The following SUSD1 variants were observed in gnomAD, a reference collection of about 807,000 sequenced individuals.
SUSD1 encodes sushi domain containing 1, also known as sushi domain-containing protein 1.
Under a neutral mutation model 86.9 loss-of-function variants are expected in SUSD1, and 65 were observed. The observed-to-expected ratio is 0.75, with a 90% CI of 0.61 to 0.92. The LOEUF (loss-of-function observed/expected upper bound fraction) is 0.92, where lower values mean the gene tolerates loss of function less well. SUSD1 is among the 40% of genes least tolerant of loss of function. SUSD1 has a pLI of 0.00. For synonymous variants in SUSD1, 346 were observed against 350.0 expected (o/e 0.99, Z 0.13); for missense variants, 850 against 929.7 (o/e 0.91, Z 1.11).
At chr9:112,124,148 G>C in intron 6 of SUSD1, 109 bp downstream of exon 6, 1 of 1,081,322 alleles carries the variant, frequency 9.2e-7, no homozygotes, top group Non-Finnish European at 1.3e-6. Flanking sequence ...GTAAATAGCC[G>C]AGCTGGGTAC....
chr9:112,149,459 C>T (rs1411907235), intron 2 of SUSD1, 60 bp from the exon 3 acceptor site: 17 of 1,581,490 alleles, frequency 1.1e-5, no homozygotes, highest in Non-Finnish European at 1.4e-5. Flanking sequence ...TTCAACAGCC[C>T]AGACTGTCCT....
intron 1 of SUSD1, among the ~76,000 whole-genome samples, chr9:112,169,745 G>T (rs1269366998): frequency 6.6e-6 from 1 of 151,110 alleles, no homozygotes; most frequent in African/African-American, 2.4e-5. Flanking sequence ...CATGATCTCG[G>T]CTCACTGCAA....
chr9:112,130,970 C>T (rs1832009948), intron 5 of SUSD1, among the ~76,000 whole-genome samples: 1 of 152,070 alleles, frequency 6.6e-6, no homozygotes, highest in African/African-American at 2.4e-5. Context: ...CTGCAGTGAG[C>T]CAAGATCGCA....
chr9:112,041,779 ACT>A, intron 16 of SUSD1, 86 bp downstream of exon 16: 1 of 1,316,052 alleles, frequency 7.6e-7, no homozygotes, highest in African/African-American at 1.5e-5. Context: ...ACTCCCTTTG[ACT>A]CCCCTCATCC....
At chr9:112,149,222 C>T in intron 3 of SUSD1, 22 bp downstream of exon 3, 1 of 1,613,142 alleles carries the variant, frequency 6.2e-7, no homozygotes. Context: ...ATTGTCAACA[C>T]CGCAGCCCCC....
At chr9:112,161,308 A>C (rs1833557504) in intron 1 of SUSD1, among the ~76,000 whole-genome samples, 1 of 151,722 alleles carries the variant, frequency 6.6e-6, no homozygotes, top group Non-Finnish European at 1.5e-5. Flanking sequence ...TGAACCCTGG[A>C]GGCAGAGGTT....
In SUSD1 at chr9:112,143,511, A is replaced by G; in HGVS notation, c.486T>C (p.Pro162=). The change falls in exon 4 of 17, where the codon CCT becomes CCC. Residue 162 remains proline, a synonymous_variant. Transcript: ENST00000374270. ...CATCGGTGGTCGGGTGGAAAGGTTC[A>G]GGTCCATTCCTTGGCAAGTATCCAT... ...CMDGYLPRNG[P]EPFHPTTDAT... is the part of the protein sequence containing the mutation. 1 of 1,614,120 alleles carries G rather than the reference A, an allele frequency of 6.2e-7. No homozygotes were observed. Among genetic ancestry groups the G allele is most frequent in the South Asian group, 1.1e-5 (1 of 91,060 alleles).
chr9:112,152,972 A>G (rs895215440), intron 2 of SUSD1, among the ~76,000 whole-genome samples: 9 of 151,854 alleles, frequency 5.9e-5, no homozygotes, highest in African/African-American at 2.2e-4. Context: ...TCTTATTAAA[A>G]ACTCAGACAC....
intron 12 of SUSD1, among the ~76,000 whole-genome samples, chr9:112,070,044 C>T (rs966142045): frequency 5.9e-5 from 9 of 152,118 alleles, no homozygotes; most frequent in Non-Finnish European, 1.0e-4. Flanking sequence ...TCGCTCTTGT[C>T]GCCCAGGCTG....
chr9:112,102,302 A>G lies in SUSD1; in HGVS notation c.1172-17T>C. 1 of 1,438,844 alleles carries G rather than the reference A, an allele frequency of 7.0e-7. No individual in the cohort carries two copies. Among genetic ancestry groups the G allele is most frequent in the South Asian group, 1.2e-5 (1 of 80,104 alleles). 89.1% of individuals were successfully genotyped at this position (1,438,844 alleles called of 1,614,324 possible). On this transcript the variant is annotated splice_polypyrimidine_tract_variant and intron_variant, in intron 8 of 16. Coordinates refer to ENST00000374270, the MANE Select transcript of SUSD1 (RefSeq NM_022486.5). ...GATCAACTTCTAAAAGACAAGAGAG[A>G]GAGTTATAGACAGCTTGCACCATCT...
Position 112,114,031 on chromosome 9 carries a change from T to A in SUSD1, c.887-1163A>T, listed in dbSNP as rs181350564. Among the ~76,000 whole-genome samples the A allele has an allele frequency of 9.6e-4, 146 of 152,268 alleles. 1 individual carries two copies. Among genetic ancestry groups the A allele is most frequent in the African/African-American group, 3.2e-3 (132 of 41,540 alleles). On this transcript the variant is annotated intron_variant, in intron 6 of 16. Transcript: ENST00000374270. The stretch of plus-strand genomic sequence containing the variant: ...TTATATACTTCTATATATAAAACTC[T>A]AAGGAATCCACACCAAAACAAGTAT...
At chr9:112,107,472 A>G (rs1230432553) in intron 8 of SUSD1, among the ~76,000 whole-genome samples, 1 of 152,040 alleles carries the variant, frequency 6.6e-6, no homozygotes, top group Non-Finnish European at 1.5e-5. Flanking sequence ...AAATAAATAA[A>G]TAGACAGATG....
At chr9:112,133,762 C>CTA (rs1166893478) in intron 5 of SUSD1, among the ~76,000 whole-genome samples, 1 of 152,114 alleles carries the variant, frequency 6.6e-6, no homozygotes, top group Non-Finnish European at 1.5e-5. Flanking sequence ...AAGAAACTAT[C>CTA]AACAAAGGAA....
At chr9:112,152,630 G>A (rs939503255) in intron 2 of SUSD1, among the ~76,000 whole-genome samples, 4 of 142,864 alleles carry the variant, frequency 2.8e-5, no homozygotes, top group Non-Finnish European at 3.0e-5. Flanking sequence ...GACTCATCTC[G>A]AACTCCTGGC....
In SUSD1 at chr9:112,131,622, A is replaced by AAT. The variant is rs753618237; in HGVS notation, c.707-7188_707-7187dup. On this transcript the variant is annotated intron_variant, in intron 5 of 16. Coordinates refer to ENST00000374270, the MANE Select transcript of SUSD1 (RefSeq NM_022486.5). Reference sequence around the variant, plus strand: ...CAATCCAACAGAGGCCACAGTGGGAAATAAAAATATAATCCTATTTAATAC... The same window carrying AAT: ...CAATCCAACAGAGGCCACAGTGGGAAATATAAAAATATAATCCTATTTAATAC... 2.9e-4 allele frequency among the ~76,000 whole-genome samples: 44 copies of AAT among 152,342 alleles called. 1 individual carries two copies. Among genetic ancestry groups the AAT allele is most frequent in the Admixed American group, 5.2e-4 (8 of 15,292 alleles).
chr9:112,050,286 T>C (rs10817258), intron 15 of SUSD1, among the ~76,000 whole-genome samples: 18,148 of 152,206 alleles, frequency 0.12, 1,433 homozygotes, highest in Non-Finnish European at 0.18. Context: ...GGGCCCTCAC[T>C]GCCTGGTCAT....
intron 8 of SUSD1, among the ~76,000 whole-genome samples, chr9:112,103,533 T>A (rs555139756): frequency 6.6e-6 from 1 of 152,350 alleles, no homozygotes; most frequent in Non-Finnish European, 1.5e-5. Flanking sequence ...GTCTGCACAG[T>A]TCACATCTCA....
intron 6 of SUSD1, among the ~76,000 whole-genome samples, chr9:112,115,814 AAAAAAAAAAG>A (rs1554766264): frequency 1.6e-4 from 3 of 19,260 alleles, no homozygotes; most frequent in South Asian, 3.0e-3. Flanking sequence ...ATTGCAAAAA[AAAAAAAAAAG>A]AAAAAAAAAA....
At chr9:112,139,444 T>C (rs546061177) in intron 5 of SUSD1, among the ~76,000 whole-genome samples, 5 of 152,244 alleles carry the variant, frequency 3.3e-5, no homozygotes, top group Admixed American at 3.3e-4. Flanking sequence ...CACACATTAT[T>C]ATTATTATTT....
Sources: gnomAD v4.1 joint callset for allele counts (sites outside exome capture counted in the v4.1 genomes callset) on GRCh38, gnomAD v4.1.1 for gene constraint, MANE v1.5 for transcripts, NCBI Gene and HGNC (gene_info 2026-07-23, HGNC 2026-07-21) for gene names.